Variants in RAPGEF2 observed in about 807,000 individuals in gnomAD.
RAPGEF2 encodes PDZ domain containing guanine nucleotide exchange factor (GEF) 1.
RAPGEF2 carries 54 observed loss-of-function variants against 186.7 expected under a neutral mutation model. The ratio of observed to expected loss-of-function variants is 0.29; its 90% confidence interval spans 0.23 to 0.36. RAPGEF2 has a LOEUF of 0.36. Among genes scored for constraint, RAPGEF2 ranks in the 10% least tolerant of loss-of-function variants. The pLI, the probability that RAPGEF2 is intolerant of heterozygous loss-of-function variation, is 1.00. For missense variants in RAPGEF2, 1,532 were observed against 2,045.0 expected, an observed-to-expected ratio of 0.75 and a Z score of 4.84; for synonymous variants, 712 against 705.9, an observed-to-expected ratio of 1.01 and a Z score of -0.14.
rs117940238 is a variant in RAPGEF2 at position 159,236,262 on chromosome 4, T to C, written c.282-2547T>C. On this transcript the variant is annotated intron_variant, in intron 4 of 29. Coordinates refer to ENST00000691494, the MANE Select transcript of RAPGEF2 (RefSeq NM_001394067.2). Reference sequence around the variant, plus strand: ...CAACTGACTCTCTGAAAAACACTTATGGAAATGTTTTTGTGTAGCACATTT... The same window carrying C: ...CAACTGACTCTCTGAAAAACACTTACGGAAATGTTTTTGTGTAGCACATTT... Among the ~76,000 whole-genome samples, 33 of 152,342 alleles carry C rather than the reference T, an allele frequency of 2.2e-4. No individual in the cohort carries two copies. The East Asian group carries it at 6.0e-3, about 28-fold the overall frequency.
At chr4:159,313,038 C>G (rs1055747407) in intron 8 of RAPGEF2, among the ~76,000 whole-genome samples, 1 of 152,108 alleles carries the variant, frequency 6.6e-6, no homozygotes, top group African/African-American at 2.4e-5. Context: ...GTCCCAGCTA[C>G]TCGGGAGGCT....
chr4:159,147,539 A>T (rs925005304), intron 1 of RAPGEF2, among the ~76,000 whole-genome samples: 9 of 152,338 alleles, frequency 5.9e-5, no homozygotes, highest in African/African-American at 2.2e-4. Context: ...AAAAATAGCA[A>T]GATATTAAAT....
intron 11 of RAPGEF2, among the ~76,000 whole-genome samples, chr4:159,325,081 A>G (rs1765743490): frequency 6.6e-6 from 1 of 152,150 alleles, no homozygotes; most frequent in Non-Finnish European, 1.5e-5. Flanking sequence ...TAAGCATTTT[A>G]CTTACTAAAA....
At chr4:159,126,882 A>G (rs957241015) in intron 1 of RAPGEF2, among the ~76,000 whole-genome samples, 1 of 152,214 alleles carries the variant, frequency 6.6e-6, no homozygotes, top group Non-Finnish European at 1.5e-5. Flanking sequence ...GTGCATGGTA[A>G]TTGTCAAGAA....
At chr4:159,179,427 A>C (rs765162403) in intron 1 of RAPGEF2, among the ~76,000 whole-genome samples, 17 of 152,188 alleles carry the variant, frequency 1.1e-4, no homozygotes, top group Non-Finnish European at 2.5e-4. Context: ...ATAGAGAAAA[A>C]AAGAATCTAA....
chr4:159,125,782 G>A (rs191832953), intron 1 of RAPGEF2, among the ~76,000 whole-genome samples: 2 of 151,580 alleles, frequency 1.3e-5, no homozygotes, highest in African/African-American at 4.8e-5. Flanking sequence ...ATAATAATTC[G>A]CTGTTATAGT....
At chr4:159,129,748 C>T (rs1034012342) in intron 1 of RAPGEF2, among the ~76,000 whole-genome samples, 1 of 152,142 alleles carries the variant, frequency 6.6e-6, no homozygotes, top group East Asian at 1.9e-4. Context: ...TTCTCTTTTT[C>T]GAGACAGTGT....
At chr4:159,184,428 A>G (rs1299529535) in intron 1 of RAPGEF2, among the ~76,000 whole-genome samples, 1 of 152,024 alleles carries the variant, frequency 6.6e-6, no homozygotes, top group Non-Finnish European at 1.5e-5. Context: ...TTTAATGATC[A>G]CCATTCTAAC....
intron 7 of RAPGEF2, among the ~76,000 whole-genome samples, chr4:159,290,538 A>C (rs1456498238): frequency 6.6e-6 from 1 of 152,234 alleles, no homozygotes; most frequent in Non-Finnish European, 1.5e-5. Flanking sequence ...TTAATACAGC[A>C]ATAGAATATT....
At chr4:159,224,179 A>G (rs966136220) in intron 4 of RAPGEF2, among the ~76,000 whole-genome samples, 3 of 152,230 alleles carry the variant, frequency 2.0e-5, no homozygotes, top group African/African-American at 7.2e-5. Context: ...GATTACAGGC[A>G]TGAACTACCA....
At chr4:159,330,560 G>C in intron 13 of RAPGEF2, 62 bp downstream of exon 13, 1 of 1,179,494 alleles carries the variant, frequency 8.5e-7, no homozygotes, top group Non-Finnish European at 1.2e-6. Flanking sequence ...ATACTTTAAT[G>C]TGTATATTTG....
chr4:159,228,394 G>C (rs2111426976), intron 4 of RAPGEF2: 1 of 152,292 alleles, frequency 6.6e-6, no homozygotes, highest in African/African-American at 2.4e-5. Flanking sequence ...AATGTTAGTA[G>C]CTTAAGTATC....
chr4:159,308,185 A>G (rs1030192477), intron 8 of RAPGEF2, among the ~76,000 whole-genome samples: 1 of 152,182 alleles, frequency 6.6e-6, no homozygotes, highest in Non-Finnish European at 1.5e-5. Flanking sequence ...ACAGCCTGCT[A>G]TCTGGCTTTA....
chr4:159,304,416 T>C lies in RAPGEF2; in HGVS notation c.618T>C (p.His206=). ...AGGTGACCCACGTTTCTTCTAGCCA[T>C]TCAGGATGTAGTATCACTAGTGATT... ...HPQVTHVSSS[H]SGCSITSDSG... Residue 206 remains histidine (H), a synonymous_variant, in exon 8 of 30, where the codon CAT becomes CAC. Coordinates refer to ENST00000691494, the MANE Select transcript of RAPGEF2 (RefSeq NM_001394067.2). 6.2e-7 allele frequency: 1 copy of C among 1,602,532 alleles called. No individual in the cohort carries two copies. Among genetic ancestry groups the C allele is most frequent in the Non-Finnish European group, 8.5e-7 (1 of 1,169,808 alleles).
chr4:159,263,034 A>AATT (rs1757047525), intron 7 of RAPGEF2, among the ~76,000 whole-genome samples: 1 of 152,146 alleles, frequency 6.6e-6, no homozygotes, highest in South Asian at 2.1e-4. Context: ...TTTATTTCAT[A>AATT]ATTAAATTAT....
intron 24 of RAPGEF2, among the ~76,000 whole-genome samples, chr4:159,346,033 A>G (rs1730261072): frequency 6.6e-6 from 1 of 152,190 alleles, no homozygotes; most frequent in African/African-American, 2.4e-5. Flanking sequence ...GCACTGTGTC[A>G]TGGTGAAGAG....
chr4:159,355,896 C>CCCCCACAAAA lies in RAPGEF2; in HGVS notation c.4695_4696insCCCCACAAAA (p.Gly1566ProfsTer12). ...ATCGAGAGCCCCCGCCCACCCCTCC[C>CCCCCACAAAA]GGCTACATTGGAATTCCCATTACTG... On this transcript the variant is annotated frameshift_variant, in exon 29 of 30. Coordinates refer to ENST00000691494, the MANE Select transcript of RAPGEF2 (RefSeq NM_001394067.2). LOFTEE classifies it high-confidence loss of function. 1 of 1,555,922 alleles carries CCCCCACAAAA rather than the reference C, an allele frequency of 6.4e-7. No homozygotes were observed. Among genetic ancestry groups the CCCCCACAAAA allele is most frequent in the Non-Finnish European group, 8.7e-7 (1 of 1,149,420 alleles).
intron 7 of RAPGEF2, among the ~76,000 whole-genome samples, chr4:159,298,713 G>C (rs1393622963): frequency 6.6e-6 from 1 of 152,146 alleles, no homozygotes; most frequent in Non-Finnish European, 1.5e-5. Flanking sequence ...GTCTATAGCT[G>C]GGTGAGTTTG....
At chr4:159,119,279 A>G (rs1039700702) in intron 1 of RAPGEF2, among the ~76,000 whole-genome samples, 1 of 152,144 alleles carries the variant, frequency 6.6e-6, no homozygotes, top group Non-Finnish European at 1.5e-5. Context: ...ACAAAATGGT[A>G]GTTGCCTCAA....
Sources: allele counts gnomAD v4.1 joint callset (sites outside exome capture counted in the v4.1 genomes callset), GRCh38; gene constraint gnomAD v4.1.1; transcripts MANE v1.5; gene names NCBI Gene and HGNC (gene_info 2026-07-23, HGNC 2026-07-21).